The following ETV5 variants were observed in gnomAD, a reference collection of about 807,000 sequenced individuals.
The protein encoded by ETV5 is ETS variant transcription factor 5.
A neutral mutation model predicts 70.0 loss-of-function variants in ETV5; 10 were observed. That is an observed-to-expected ratio of 0.14 (90% CI 0.09 to 0.24). ETV5 has a LOEUF of 0.24. Among genes scored for constraint, ETV5 ranks in the 10% least tolerant of loss-of-function variants. The pLI is 1.00. For synonymous variants in ETV5, 216 were observed against 242.2 expected, an observed-to-expected ratio of 0.89 and a Z score of 1.01; for missense variants, 453 against 651.2, an observed-to-expected ratio of 0.70 and a Z score of 3.31.
chr3:186,060,057 T>C (rs747950630), intron 9 of ETV5, among the ~76,000 whole-genome samples: 54 of 152,188 alleles, frequency 3.5e-4, no homozygotes, highest in Admixed American at 6.5e-5. Context: ...AGCTACATAT[T>C]TCCCGATCTT....
At chr3:186,087,223 TG>T (rs1414635921) in intron 5 of ETV5, among the ~76,000 whole-genome samples, 1 of 152,194 alleles carries the variant, frequency 6.6e-6, no homozygotes, top group African/African-American at 2.4e-5. Flanking sequence ...ACAAATATGC[TG>T]AGCTAAAAGA....
At chr3:186,055,493 A>G (rs1450191168) in intron 11 of ETV5, among the ~76,000 whole-genome samples, 1 of 152,240 alleles carries the variant, frequency 6.6e-6, no homozygotes, top group African/African-American at 2.4e-5. Context: ...AGTGGCACTC[A>G]ACTCCAGCTC....
chr3:186,051,941 A>G, intron 12 of ETV5, 89 bp downstream of exon 12: 5 of 1,295,348 alleles, frequency 3.9e-6, no homozygotes, highest in Non-Finnish European at 5.5e-6. Context: ...ATTTCCTCGT[A>G]GCGACGATCA....
intron 7 of ETV5, among the ~76,000 whole-genome samples, chr3:186,069,052 G>A (rs1713523528): frequency 6.6e-6 from 1 of 152,156 alleles, no homozygotes; most frequent in Admixed American, 6.5e-5. Context: ...GGGAACAGGT[G>A]GTCAGCAGAT....
rs1187693768 is a variant in ETV5, at chr3:186,109,031, G to A, written c.-166C>T. On this transcript the variant is annotated 5_prime_UTR_variant, in exon 1 of 13. Transcript: ENST00000306376. ...AGCGGGCCTGGGCGCCTGGGCGAAAGGCTGGGCCGAACCGCTCCGAAGACG... is the reference window on the plus strand; with the variant it reads ...AGCGGGCCTGGGCGCCTGGGCGAAAAGCTGGGCCGAACCGCTCCGAAGACG... 6.5e-6 allele frequency: 1 copy of A among 153,124 alleles called. No homozygotes were observed. Among genetic ancestry groups the A allele is most frequent in the African/African-American group, 2.4e-5 (1 of 41,460 alleles). 9.5% of individuals were successfully genotyped at this position (153,124 alleles called of 1,614,324 possible). A position where few individuals can be genotyped will look rare whatever the true frequency, so the allele number is the denominator to read the frequency against.
chr3:186,089,435 T>C (rs1714130107), intron 5 of ETV5, among the ~76,000 whole-genome samples: 1 of 152,186 alleles, frequency 6.6e-6, no homozygotes, highest in Non-Finnish European at 1.5e-5. Flanking sequence ...AAATCAACTA[T>C]TGAGCAAGCT....
chr3:186,062,880 GAT>G (rs1417779703), intron 9 of ETV5, among the ~76,000 whole-genome samples: 3 of 152,140 alleles, frequency 2.0e-5, no homozygotes, highest in African/African-American at 7.2e-5. Flanking sequence ...TGGGCAGTGA[GAT>G]TTAATTTTCA....
chr3:186,093,762 A>G (rs1288834024), intron 5 of ETV5, among the ~76,000 whole-genome samples: 5 of 152,188 alleles, frequency 3.3e-5, no homozygotes. Flanking sequence ...AAGAAATGTG[A>G]TCAAGTCTAA....
intron 1 of ETV5, chr3:186,108,441 C>G (rs914640177): frequency 8.7e-7 from 1 of 1,147,370 alleles, no homozygotes. Context: ...CCCCCGCCCC[C>G]GCAGGCTGCA....
intron 5 of ETV5, among the ~76,000 whole-genome samples, chr3:186,096,760 T>C (rs1342709895): frequency 6.6e-6 from 1 of 152,200 alleles, no homozygotes; most frequent in Non-Finnish European, 1.5e-5. Flanking sequence ...TATTAAGTTT[T>C]GTTTTGCCTT....
Position 186,046,674 on chromosome 3 carries a change from G to GA in ETV5, c.*1964dup, listed in dbSNP as rs931545966. 766 of 200,572 alleles carry GA rather than the reference G, an allele frequency of 3.8e-3. 10 individuals are homozygous for GA. The highest frequency in any genetic ancestry group is 0.019 in the African/African-American group (717 of 36,800). The allele number at this position is 200,572 out of a possible 1,614,324, so 12.4% of individuals were successfully genotyped here. A position where few individuals can be genotyped will look rare whatever the true frequency, so the allele number is the denominator to read the frequency against. ...TAAGACAGCATAAATCCATTCAAAAGAAAAAAAAAAAAAATCCAAACCAGG... is the reference window on the plus strand; with the variant it reads ...TAAGACAGCATAAATCCATTCAAAAGAAAAAAAAAAAAAAATCCAAACCAGG... On this transcript the variant is annotated 3_prime_UTR_variant, in exon 13 of 13. Coordinates refer to ENST00000306376, the MANE Select transcript of ETV5 (RefSeq NM_004454.3).
rs1464555121 is a variant in ETV5, at chr3:186,057,282, C to T, written c.1040-38G>A. The T allele has an allele frequency of 1.9e-6, 3 of 1,611,930 alleles. No individual in the cohort carries two copies. In the African/African-American group the frequency reaches 4.0e-5, roughly 22 times the overall value. On this transcript the variant is annotated intron_variant, in intron 10 of 12. Coordinates refer to ENST00000306376, the MANE Select transcript of ETV5 (RefSeq NM_004454.3). The surrounding 1 kb of genome is among the most constrained non-coding windows in gnomAD (Gnocchi z 4.9). ...AGGACACATCACACAATAGCTTAGT[C>T]CTAAGTTTCTCAGGTGGTTGGGACA...
intron 5 of ETV5, among the ~76,000 whole-genome samples, chr3:186,100,944 T>C (rs1714438743): frequency 6.6e-6 from 1 of 152,228 alleles, no homozygotes; most frequent in Non-Finnish European, 1.5e-5. Context: ...TATTTATATA[T>C]GCTAAAATCT....
In ETV5 at chr3:186,086,214, T is replaced by C. The variant is rs956989566; in HGVS notation, c.233-5039A>G. ...AGCTGATAAGATGTAATTAAGTCCA[T>C]ATCTGTGGGTATGCACAATCAAGTA... On this transcript the variant is annotated intron_variant, in intron 5 of 12. Transcript: ENST00000306376. Among the ~76,000 whole-genome samples the C allele has an allele frequency of 2.6e-5, 4 of 152,224 alleles. No homozygotes were observed. In the East Asian group the frequency reaches 7.7e-4, roughly 29 times the overall value.
chr3:186,087,654 AAAT>A (rs1277810034), intron 5 of ETV5, among the ~76,000 whole-genome samples: 3 of 152,174 alleles, frequency 2.0e-5, no homozygotes, highest in Admixed American at 1.3e-4. Flanking sequence ...CATTCAAGAG[AAAT>A]AATAATTCCC....
At chr3:186,104,447 G>A (rs1482713172) in intron 5 of ETV5, among the ~76,000 whole-genome samples, 1 of 152,116 alleles carries the variant, frequency 6.6e-6, no homozygotes, top group African/African-American at 2.4e-5. Context: ...GCAACTACAC[G>A]AAAAGTAAGA....
At chr3:186,082,156 T>C (rs1327441114) in intron 5 of ETV5, among the ~76,000 whole-genome samples, 2 of 152,212 alleles carry the variant, frequency 1.3e-5, no homozygotes, top group African/African-American at 4.8e-5. Context: ...GAAAGATGCA[T>C]TTTGCGCTAT....
rs941029258 is a variant in ETV5 at position 186,048,283 on chromosome 3, C to T, written c.*356G>A. The T allele has an allele frequency of 1.8e-5, 6 of 336,416 alleles. No individual in the cohort carries two copies. The highest frequency in any genetic ancestry group is 1.0e-4 in the South Asian group (2 of 19,840). The allele number at this position is 336,416 out of a possible 1,614,324, so 20.8% of individuals were successfully genotyped here. A position where few individuals can be genotyped will look rare whatever the true frequency, so the allele number is the denominator to read the frequency against. On this transcript the variant is annotated 3_prime_UTR_variant, in exon 13 of 13. Coordinates refer to ENST00000306376, the MANE Select transcript of ETV5 (RefSeq NM_004454.3). ...GTAAAGGCATTTAGTAGTCCATGATCGATGCAGATTGTCACATACTATGTC... is the reference window on the plus strand; with the variant it reads ...GTAAAGGCATTTAGTAGTCCATGATTGATGCAGATTGTCACATACTATGTC...
chr3:186,068,773 T>C (rs1378772632), intron 7 of ETV5, among the ~76,000 whole-genome samples: 5 of 152,216 alleles, frequency 3.3e-5, no homozygotes, highest in Non-Finnish European at 7.4e-5. Flanking sequence ...TGACAGACTA[T>C]AGAGTTTAGG....
Sources: allele counts gnomAD v4.1 joint callset (sites outside exome capture counted in the v4.1 genomes callset), GRCh38; gene constraint gnomAD v4.1.1; non-coding constraint Gnocchi (gnomAD v3.1); transcripts MANE v1.5; gene names NCBI Gene and HGNC (gene_info 2026-07-23, HGNC 2026-07-21).